Variants in OR2L13 observed in about 807,000 individuals in gnomAD.
The protein encoded by OR2L13 is olfactory receptor family 2 subfamily L member 13.
Under a neutral mutation model 15.3 loss-of-function variants are expected in OR2L13, and 14 were observed. That is an observed-to-expected ratio of 0.91 (90% CI 0.60 to 1.43). The LOEUF (loss-of-function observed/expected upper bound fraction) is 1.43. OR2L13 is among the 40% of genes most tolerant of loss of function. OR2L13 has a pLI of 0.00. For synonymous variants in OR2L13, 152 were observed against 142.9 expected (o/e 1.06, Z -0.45); for missense variants, 367 against 387.9 (o/e 0.95, Z 0.45).
At chr1:247,969,575 A>T in the OR2L13 span, among the ~76,000 whole-genome samples, 11,566 of 152,270 alleles carry the variant, frequency 0.076, 959 homozygotes, top group African/African-American at 0.21. Flanking sequence ...AATAGTTTAA[A>T]GCAGACCTCA....
the OR2L13 span, among the ~76,000 whole-genome samples, chr1:247,943,984 G>T: frequency 6.6e-6 from 1 of 152,018 alleles, no homozygotes; most frequent in Non-Finnish European, 1.5e-5. Context: ...TTGAAAAAAG[G>T]TTGCCATGTA....
At chr1:247,997,845 C>T in the OR2L13 span, among the ~76,000 whole-genome samples, 1 of 152,062 alleles carries the variant, frequency 6.6e-6, no homozygotes, top group Non-Finnish European at 1.5e-5. Context: ...CTAGTGAATA[C>T]CAGCAAAACA....
upstream of OR2L13, among the ~76,000 whole-genome samples, chr1:248,094,758 C>G (rs1399336019): frequency 6.6e-6 from 1 of 152,114 alleles, no homozygotes; most frequent in Non-Finnish European, 1.5e-5. Flanking sequence ...CAATCATTCC[C>G]CCTGGAAACT....
At chr1:247,975,208 C>T in the OR2L13 span, 2 of 397,334 alleles carry the variant, frequency 5.0e-6, no homozygotes, top group Non-Finnish European at 5.1e-6. Flanking sequence ...GACACTTGTG[C>T]TCACATTTCA....
At chr1:248,003,845 A>C in the OR2L13 span, 1 of 1,613,096 alleles carries the variant, frequency 6.2e-7, no homozygotes, top group Non-Finnish European at 8.5e-7. Flanking sequence ...GGCCTACCTG[A>C]CCTGCAGCAC....
chr1:248,056,736 C>T, the OR2L13 span, among the ~76,000 whole-genome samples: 1 of 148,224 alleles, frequency 6.7e-6, no homozygotes, highest in Non-Finnish European at 1.5e-5. Flanking sequence ...CAACTTTTGC[C>T]TCCTGGGTTC....
At chr1:248,073,799 T>A in the OR2L13 span, among the ~76,000 whole-genome samples, 1 of 151,864 alleles carries the variant, frequency 6.6e-6, no homozygotes, top group Non-Finnish European at 1.5e-5. Context: ...AAATAACATG[T>A]TTTGACTAAA....
chr1:248,065,982 A>G, the OR2L13 span, among the ~76,000 whole-genome samples: 1 of 152,144 alleles, frequency 6.6e-6, no homozygotes. Flanking sequence ...AGAATAGAAA[A>G]TAGCCCTTCA....
chr1:248,068,247 C>T, the OR2L13 span, among the ~76,000 whole-genome samples: 319 of 152,228 alleles, frequency 2.1e-3, 1 homozygote, highest in Non-Finnish European at 3.7e-3. Flanking sequence ...GAGGCACCCC[C>T]CAGTAGGGGC....
the OR2L13 span, among the ~76,000 whole-genome samples, chr1:248,081,888 G>A: frequency 6.6e-6 from 1 of 152,090 alleles, no homozygotes. Flanking sequence ...CCTCTCATTT[G>A]TTCTAAAACA....
At chr1:247,999,936 CTT>C in the OR2L13 span, among the ~76,000 whole-genome samples, 8 of 152,036 alleles carry the variant, frequency 5.3e-5, no homozygotes, top group Non-Finnish European at 1.0e-4. Flanking sequence ...AGATTCAGAA[CTT>C]TAGGATATTA....
At chr1:248,006,567 CA>C in the OR2L13 span, among the ~76,000 whole-genome samples, 1 of 152,036 alleles carries the variant, frequency 6.6e-6, no homozygotes, top group South Asian at 2.1e-4. Flanking sequence ...TGAGATCATG[CA>C]GCCTAGGATA....
At chr1:248,038,452 T>A in the OR2L13 span, 2 of 1,613,880 alleles carry the variant, frequency 1.2e-6, no homozygotes, top group Non-Finnish European at 1.7e-6. Context: ...TATTTCCTAC[T>A]TAGTCAGCTC....
the OR2L13 span, among the ~76,000 whole-genome samples, chr1:248,066,496 C>T: frequency 6.6e-6 from 1 of 152,132 alleles, no homozygotes; most frequent in African/African-American, 2.4e-5. Flanking sequence ...TCTTATCAAT[C>T]ACTGAATACT....
chr1:247,941,260 T>G, the OR2L13 span, among the ~76,000 whole-genome samples: 5 of 152,306 alleles, frequency 3.3e-5, no homozygotes, highest in East Asian at 9.7e-4. Flanking sequence ...AGTTAGGTCC[T>G]GCTCATCAAT....
chr1:247,964,028 A>G, the OR2L13 span, among the ~76,000 whole-genome samples: 1 of 152,172 alleles, frequency 6.6e-6, no homozygotes, highest in East Asian at 1.9e-4. Context: ...TCCCATTTCC[A>G]AACAAAAAGT....
chr1:248,085,925 A>G, the OR2L13 span, among the ~76,000 whole-genome samples: 7 of 152,190 alleles, frequency 4.6e-5, no homozygotes, highest in African/African-American at 7.2e-5. Flanking sequence ...TGACGGAGGC[A>G]GAACTCAATG....
chr1:247,942,513 G>A, the OR2L13 span, among the ~76,000 whole-genome samples: 1 of 152,030 alleles, frequency 6.6e-6, no homozygotes, highest in Non-Finnish European at 1.5e-5. Context: ...TATTGGATTA[G>A]TCTTAATCCC....
chr1:248,058,220 C>T, the OR2L13 span, among the ~76,000 whole-genome samples: 1 of 152,216 alleles, frequency 6.6e-6, no homozygotes, highest in South Asian at 2.1e-4. Flanking sequence ...TTGCTGACCC[C>T]AAAGGCAAGG....
Sources: allele counts gnomAD v4.1 joint callset (sites outside exome capture counted in the v4.1 genomes callset), GRCh38; gene constraint gnomAD v4.1.1; transcripts MANE v1.5; gene names NCBI Gene and HGNC (gene_info 2026-07-23, HGNC 2026-07-21).